FBN2: variants seen among roughly 807,000 people sequenced by gnomAD.
The protein encoded by FBN2 is fibrillin-2.
FBN2 carries 105 observed loss-of-function variants against 355.6 expected under a neutral mutation model. The ratio of observed to expected loss-of-function variants is 0.30; its 90% confidence interval spans 0.25 to 0.35. The LOEUF (loss-of-function observed/expected upper bound fraction) is 0.35, where lower values mean the gene tolerates loss of function less well. FBN2 is among the 10% of genes least tolerant of loss of function. The probability of loss-of-function intolerance (pLI) is 1.00; values close to 1 mark genes in which losing one functional copy is unlikely to be tolerated. For synonymous variants in FBN2, 1,350 were observed against 1,301.2 expected, an observed-to-expected ratio of 1.04 and a Z score of -0.81; for missense variants, 3,280 against 3,758.7, an observed-to-expected ratio of 0.87 and a Z score of 3.33.
rs755217606 is a variant in FBN2 at position 128,328,827 on chromosome 5, C to A, written c.4346-6G>T. ...TTCTGCACACTCATCAACATCTGTG[C>A]AAAAAAGCAAATTACATCTCTGTTA... is the stretch of plus-strand genomic sequence containing the variant. On this transcript the variant is annotated splice_region_variant and splice_polypyrimidine_tract_variant and intron_variant, in intron 33 of 64. Transcript: ENST00000262464. 17 of 1,613,888 alleles carry A rather than the reference C, an allele frequency of 1.1e-5. No homozygotes were observed. The Admixed American group carries it at 2.8e-4, about 27-fold the overall frequency.
Position 128,263,412 on chromosome 5 carries a change from A to C in FBN2, c.8192+13T>G. The C allele has an allele frequency of 6.3e-7, 1 of 1,593,920 alleles. No homozygotes were observed. The highest frequency in any genetic ancestry group is 8.6e-7 in the Non-Finnish European group (1 of 1,161,732). On this transcript the variant is annotated intron_variant, in intron 63 of 64. Transcript: ENST00000262464. ...TGTATTCCTCTATGTGCTGAGGCTGAAGGCCGCCTTACCCTTGTCCCACTC... is the reference window on the plus strand; with the variant it reads ...TGTATTCCTCTATGTGCTGAGGCTGCAGGCCGCCTTACCCTTGTCCCACTC...
chr5:128,282,791 T>C (rs1255884288), intron 55 of FBN2, among the ~76,000 whole-genome samples: 1 of 152,194 alleles, frequency 6.6e-6, no homozygotes, highest in African/African-American at 2.4e-5. Context: ...TTGTCAATTA[T>C]CGACCTTTCC....
At chr5:128,355,728 T>C (rs188399371) in intron 20 of FBN2, among the ~76,000 whole-genome samples, 101 of 152,354 alleles carry the variant, frequency 6.6e-4, no homozygotes, top group African/African-American at 2.1e-3. Flanking sequence ...TGAAATAATG[T>C]CTAAACTTTA....
chr5:128,444,677 A>G (rs1035774649), intron 7 of FBN2, among the ~76,000 whole-genome samples: 1 of 152,202 alleles, frequency 6.6e-6, no homozygotes. Flanking sequence ...CCTCTTTCCT[A>G]AAGAACATAG....
At chr5:128,368,461 TATATAC>T (rs1751839100) in intron 16 of FBN2, among the ~76,000 whole-genome samples, 2 of 122,802 alleles carry the variant, frequency 1.6e-5, no homozygotes, top group African/African-American at 9.1e-5. Flanking sequence ...TATACACATA[TATATAC>T]ATATATATAC....
intron 34 of FBN2, among the ~76,000 whole-genome samples, chr5:128,327,076 T>C (rs962413013): frequency 1.3e-5 from 2 of 152,194 alleles, no homozygotes; most frequent in African/African-American, 4.8e-5. Flanking sequence ...CACATTTACA[T>C]TGATTCACAT....
At chr5:128,341,275 G>C (rs1751013527) in intron 25 of FBN2, among the ~76,000 whole-genome samples, 1 of 152,196 alleles carries the variant, frequency 6.6e-6, no homozygotes, top group East Asian at 1.9e-4. Flanking sequence ...TCCAGCACCA[G>C]GATTGCCTAT....
chr5:128,279,647 A>G (rs936253655), intron 56 of FBN2, among the ~76,000 whole-genome samples: 4 of 152,154 alleles, frequency 2.6e-5, no homozygotes, highest in Admixed American at 2.0e-4. Flanking sequence ...GTTTACCTTG[A>G]ATTTTACTAC....
chr5:128,362,332 T>C (rs892812517), intron 18 of FBN2, among the ~76,000 whole-genome samples: 1 of 152,246 alleles, frequency 6.6e-6, no homozygotes, highest in African/African-American at 2.4e-5. Context: ...CATTCATTAA[T>C]CTTTTCCCAC....
intron 15 of FBN2, among the ~76,000 whole-genome samples, chr5:128,373,863 A>G (rs542352579): frequency 8.9e-4 from 135 of 152,180 alleles, no homozygotes; most frequent in Non-Finnish European, 1.8e-3. Flanking sequence ...TTAGAATAAA[A>G]TATATATTCT....
chr5:128,287,255 T>C, intron 54 of FBN2, 53 bp downstream of exon 54: 3 of 1,592,280 alleles, frequency 1.9e-6, no homozygotes, highest in Non-Finnish European at 2.6e-6. Context: ...CATTAAGATG[T>C]ATCTCCAGCA....
chr5:128,488,500 A>AT (rs1042408130), intron 5 of FBN2, among the ~76,000 whole-genome samples: 9 of 151,444 alleles, frequency 5.9e-5, no homozygotes, highest in South Asian at 2.1e-4. Context: ...CTTTTTTTTA[A>AT]TTTTTTTATT....
intron 34 of FBN2, chr5:128,328,363 T>C: frequency 1.8e-6 from 1 of 564,556 alleles, no homozygotes; most frequent in Admixed American, 3.1e-5. Flanking sequence ...TTGAGACAAG[T>C]AATGGAGCAT....
At chr5:128,357,486 G>A in intron 19 of FBN2, 91 bp from the exon 20 acceptor site, 2 of 1,517,876 alleles carry the variant, frequency 1.3e-6, no homozygotes, top group Non-Finnish European at 9.1e-7. Flanking sequence ...AGAATGTCTG[G>A]TAAACTTGGC....
intron 7 of FBN2, among the ~76,000 whole-genome samples, chr5:128,435,191 G>A (rs1041636696): frequency 1.3e-5 from 2 of 152,020 alleles, no homozygotes; most frequent in Admixed American, 1.3e-4. Flanking sequence ...TAATTTAGGT[G>A]GAACTGGAGC....
chr5:128,386,070 G>T (rs1050074172), intron 11 of FBN2, among the ~76,000 whole-genome samples: 1 of 151,978 alleles, frequency 6.6e-6, no homozygotes, highest in South Asian at 2.1e-4. Context: ...AATTGCTTTT[G>T]GAATCATTGT....
At chr5:128,445,074 C>T (rs1344844068) in intron 7 of FBN2, among the ~76,000 whole-genome samples, 1 of 152,158 alleles carries the variant, frequency 6.6e-6, no homozygotes, top group Non-Finnish European at 1.5e-5. Context: ...GGTGCTTCTT[C>T]AGGTAATTCA....
intron 38 of FBN2, among the ~76,000 whole-genome samples, 158 bp from the exon 39 acceptor site, chr5:128,311,583 C>G (rs1369129743): frequency 6.6e-6 from 1 of 152,192 alleles, no homozygotes. Context: ...CAAATATCTT[C>G]TTGGCTTTGT....
Position 128,426,023 on chromosome 5 carries a change from G to C in FBN2, c.953-17224C>G, listed in dbSNP as rs141762239. Among the ~76,000 whole-genome samples, 219 of 152,166 alleles carry C rather than the reference G, an allele frequency of 1.4e-3. 1 individual carries two copies. Among genetic ancestry groups the C allele is most frequent in the African/African-American group, 5.0e-3 (208 of 41,514 alleles). ...CCTGTACGTGTGAAGGTGTGAGTAGGGAGAAGTCACTCCTAATGCTTTGCC... is the reference window on the plus strand; with the variant it reads ...CCTGTACGTGTGAAGGTGTGAGTAGCGAGAAGTCACTCCTAATGCTTTGCC... On this transcript the variant is annotated intron_variant, in intron 7 of 64. Coordinates refer to ENST00000262464, the MANE Select transcript of FBN2 (RefSeq NM_001999.4).
Sources: gnomAD v4.1 joint callset for allele counts (sites outside exome capture counted in the v4.1 genomes callset) on GRCh38, gnomAD v4.1.1 for gene constraint, MANE v1.5 for transcripts, NCBI Gene and HGNC (gene_info 2026-07-23, HGNC 2026-07-21) for gene names.